NRXN3: variants seen among roughly 807,000 people sequenced by gnomAD.
The protein encoded by NRXN3 is neurexin 3.
Under a neutral mutation model 137.6 loss-of-function variants are expected in NRXN3, and 32 were observed. That is an observed-to-expected ratio of 0.23 (90% CI 0.18 to 0.31). The LOEUF is 0.31. NRXN3 is among the 10% of genes least tolerant of loss of function. The pLI is 1.00. For missense variants in NRXN3, 1,574 were observed against 2,062.5 expected, an observed-to-expected ratio of 0.76 and a Z score of 4.59; for synonymous variants, 798 against 784.5, an observed-to-expected ratio of 1.02 and a Z score of -0.29.
chr14:79,363,835 C>T (rs113207754), intron 15 of NRXN3, among the ~76,000 whole-genome samples: 4,293 of 152,244 alleles, frequency 0.028, 196 homozygotes, highest in African/African-American at 0.097. Context: ...TTGAACTCTT[C>T]CTTGCCGATA....
chr14:78,393,182 GA>G (rs2090994663), intron 4 of NRXN3, among the ~76,000 whole-genome samples: 1 of 146,678 alleles, frequency 6.8e-6, no homozygotes, highest in African/African-American at 2.6e-5. Context: ...AAATACATGT[GA>G]TTTTTTTTTT....
intron 5 of NRXN3, among the ~76,000 whole-genome samples, chr14:78,650,809 T>A (rs1317009560): frequency 2.6e-5 from 4 of 152,166 alleles, no homozygotes; most frequent in Admixed American, 2.6e-4. Flanking sequence ...ATAACAATCA[T>A]GTAAGAAATA....
At chr14:78,394,455 T>C (rs1418451585) in intron 4 of NRXN3, among the ~76,000 whole-genome samples, 1 of 151,974 alleles carries the variant, frequency 6.6e-6, no homozygotes, top group South Asian at 2.1e-4. Context: ...TCTTTGTATA[T>C]ATTGTTAAAT....
chr14:79,795,143 A>C (rs2099157356), intron 19 of NRXN3, among the ~76,000 whole-genome samples: 1 of 152,174 alleles, frequency 6.6e-6, no homozygotes. Flanking sequence ...AACGGGGAAA[A>C]TTATTAGCCT....
chr14:78,829,511 G>A (rs943848236), intron 10 of NRXN3, among the ~76,000 whole-genome samples: 6 of 151,926 alleles, frequency 3.9e-5, no homozygotes, highest in African/African-American at 7.2e-5. Context: ...TTGCTAAATC[G>A]GGTAAAATAG....
chr14:79,241,679 A>G (rs2074325446), intron 15 of NRXN3, among the ~76,000 whole-genome samples: 1 of 152,220 alleles, frequency 6.6e-6, no homozygotes, highest in Admixed American at 6.5e-5. Flanking sequence ...AAATGGCTAC[A>G]GTAATGAAAA....
chr14:79,149,407 C>T (rs2059595525), intron 15 of NRXN3, among the ~76,000 whole-genome samples: 1 of 151,628 alleles, frequency 6.6e-6, no homozygotes, highest in African/African-American at 2.4e-5. Flanking sequence ...TTTCTTGGGA[C>T]TCTGACTTAT....
chr14:78,623,922 G>A (rs2097429867), intron 4 of NRXN3, among the ~76,000 whole-genome samples: 1 of 152,182 alleles, frequency 6.6e-6, no homozygotes, highest in Admixed American at 6.5e-5. Flanking sequence ...CAGCCATTCT[G>A]TAGTAGATAC....
intron 8 of NRXN3, among the ~76,000 whole-genome samples, chr14:78,800,990 G>A (rs1444844617): frequency 6.6e-6 from 1 of 152,106 alleles, no homozygotes; most frequent in Admixed American, 6.5e-5. Context: ...AAAATTATAT[G>A]TCTGATGCTG....
At chr14:78,787,001 T>G (rs1267827019) in intron 8 of NRXN3, among the ~76,000 whole-genome samples, 1 of 152,174 alleles carries the variant, frequency 6.6e-6, no homozygotes, top group African/African-American at 2.4e-5. Flanking sequence ...ATATGACAAC[T>G]TCTATGGTTC....
chr14:79,269,143 G>A (rs1226786072), intron 15 of NRXN3, among the ~76,000 whole-genome samples: 6 of 152,132 alleles, frequency 3.9e-5, no homozygotes, highest in Admixed American at 6.5e-5. Flanking sequence ...TCCGCCTCCC[G>A]GGTTCACGCC....
intron 1 of NRXN3, among the ~76,000 whole-genome samples, chr14:78,235,368 G>A (rs1355728853): frequency 6.6e-6 from 1 of 151,916 alleles, no homozygotes; most frequent in African/African-American, 2.4e-5. Context: ...CCTCCCACAA[G>A]AGCCTGTGTC....
At chr14:78,782,298 C>T (rs183364118) in intron 8 of NRXN3, among the ~76,000 whole-genome samples, 180 of 152,274 alleles carry the variant, frequency 1.2e-3, no homozygotes, top group Middle Eastern at 3.4e-3. Context: ...TAACATTTAC[C>T]TTTCATTAAA....
At chr14:78,389,766 A>T (rs2090510183) in intron 4 of NRXN3, among the ~76,000 whole-genome samples, 1 of 152,084 alleles carries the variant, frequency 6.6e-6, no homozygotes, top group Non-Finnish European at 1.5e-5. Flanking sequence ...AAAACTATTG[A>T]GACTCTTTCC....
At chr14:78,736,157 T>C (rs1300500282) in intron 8 of NRXN3, among the ~76,000 whole-genome samples, 1 of 152,174 alleles carries the variant, frequency 6.6e-6, no homozygotes, top group Non-Finnish European at 1.5e-5. Context: ...TTCTGAAAGC[T>C]GCCAGATGTC....
intron 4 of NRXN3, among the ~76,000 whole-genome samples, chr14:78,464,177 C>G (rs898502567): frequency 6.6e-6 from 1 of 151,852 alleles, no homozygotes; most frequent in Non-Finnish European, 1.5e-5. Flanking sequence ...TTCAGCCTCC[C>G]GAGTAGCTGG....
chr14:78,593,169 T>C (rs2097131380), intron 4 of NRXN3, among the ~76,000 whole-genome samples: 1 of 152,188 alleles, frequency 6.6e-6, no homozygotes, highest in South Asian at 2.1e-4. Context: ...TGGATAGCTG[T>C]GTTTGTGTAA....
At chr14:79,503,705 G>A (rs990804859) in intron 16 of NRXN3, among the ~76,000 whole-genome samples, 1 of 152,096 alleles carries the variant, frequency 6.6e-6, no homozygotes, top group Non-Finnish European at 1.5e-5. Flanking sequence ...AACTTCAAGA[G>A]GTGAACAAAG....
chr14:79,342,194 G>A (rs1475227496), intron 15 of NRXN3, among the ~76,000 whole-genome samples: 1 of 152,124 alleles, frequency 6.6e-6, no homozygotes, highest in Non-Finnish European at 1.5e-5. Flanking sequence ...TAGTTGATGA[G>A]ACTCTTGTTT....
Sources: allele counts gnomAD v4.1 joint callset (sites outside exome capture counted in the v4.1 genomes callset), GRCh38; gene constraint gnomAD v4.1.1; transcripts MANE v1.5; gene names NCBI Gene and HGNC (gene_info 2026-07-23, HGNC 2026-07-21).